Variants in ANO3 observed in about 807,000 individuals in gnomAD.
ANO3 encodes anoctamin-3.
Under a neutral mutation model 144.8 loss-of-function variants are expected in ANO3, and 99 were observed. The ratio of observed to expected loss-of-function variants is 0.68; its 90% CI spans 0.58 to 0.81. The LOEUF (loss-of-function observed/expected upper bound fraction) is 0.81. Ranked by LOEUF, ANO3 falls within the 30% of genes least tolerant of loss-of-function variation. The pLI is 0.00. For synonymous variants in ANO3, 414 were observed against 392.6 expected (o/e 1.05, Z -0.64); for missense variants, 905 against 1,202.2 (o/e 0.75, Z 3.66).
chr11:26,628,963 A>G (rs903687525), intron 18 of ANO3, among the ~76,000 whole-genome samples: 7 of 152,104 alleles, frequency 4.6e-5, no homozygotes, highest in African/African-American at 1.7e-4. Flanking sequence ...ACAAGCCCCT[A>G]TACACAAGTG....
intron 1 of ANO3, among the ~76,000 whole-genome samples, chr11:26,290,724 G>A (rs1853937176): frequency 6.6e-6 from 1 of 152,200 alleles, no homozygotes. Context: ...GCTGTTTTGA[G>A]TGAGTTTCTT....
At chr11:26,634,596 A>G (rs1852890772) in intron 19 of ANO3, among the ~76,000 whole-genome samples, 1 of 152,192 alleles carries the variant, frequency 6.6e-6, no homozygotes, top group African/African-American at 2.4e-5. Flanking sequence ...TTCCACCTTT[A>G]GTGCAAAATA....
intron 4 of ANO3, among the ~76,000 whole-genome samples, chr11:26,486,833 T>C (rs1860470692): frequency 6.6e-6 from 1 of 152,218 alleles, no homozygotes; most frequent in Non-Finnish European, 1.5e-5. Context: ...CTTCATTTGA[T>C]AGGGTCCTAA....
In ANO3 at chr11:26,642,020, T is replaced by C. The variant is rs762247159; in HGVS notation, c.2266T>C (p.Leu756=). 1 of 1,612,496 alleles carries C rather than the reference T, an allele frequency of 6.2e-7. No homozygotes were observed. Among genetic ancestry groups the C allele is most frequent in the Non-Finnish European group, 8.5e-7 (1 of 1,179,448 alleles). ...CCTTCATGGACTGATGGATGAGTAC[T>C]TAGAAATGGGTAAGGAAAAAAAATC... ...MNLHGLMDEY[L]EMVLQFGFTT... The change falls in exon 22 of 27, where the codon TTA becomes CTA. Residue 756 remains leucine (L), a synonymous_variant. Coordinates refer to ENST00000256737, the MANE Select transcript of ANO3 (RefSeq NM_031418.4).
chr11:26,453,554 A>G (rs1233712777), intron 3 of ANO3, among the ~76,000 whole-genome samples: 1 of 152,146 alleles, frequency 6.6e-6, no homozygotes, highest in Non-Finnish European at 1.5e-5. Context: ...TATGCACCCA[A>G]TACAGGAGCA....
intron 14 of ANO3, among the ~76,000 whole-genome samples, chr11:26,573,963 C>G (rs1850922012): frequency 6.6e-6 from 1 of 152,174 alleles, no homozygotes; most frequent in African/African-American, 2.4e-5. Flanking sequence ...GCCAAACAAA[C>G]AAGTTTCACT....
chr11:26,525,340 A>C (rs1436332465), intron 6 of ANO3, among the ~76,000 whole-genome samples: 1 of 152,056 alleles, frequency 6.6e-6, no homozygotes, highest in Non-Finnish European at 1.5e-5. Flanking sequence ...ATTAGTATAA[A>C]TTGAGTGGCA....
intron 1 of ANO3, among the ~76,000 whole-genome samples, chr11:26,384,164 T>G (rs1856662449): frequency 6.6e-6 from 1 of 152,108 alleles, no homozygotes; most frequent in South Asian, 2.1e-4. Flanking sequence ...CCTCCCAAAG[T>G]GCTGGGATTA....
intron 3 of ANO3, among the ~76,000 whole-genome samples, chr11:26,461,533 T>C (rs1286713463): frequency 6.6e-6 from 1 of 152,102 alleles, no homozygotes; most frequent in African/African-American, 2.4e-5. Flanking sequence ...AAATTGCATT[T>C]CTTCTCTTAC....
intron 1 of ANO3, among the ~76,000 whole-genome samples, chr11:26,222,121 G>A (rs998149091): frequency 1.3e-5 from 2 of 152,162 alleles, no homozygotes; most frequent in Admixed American, 6.5e-5. Context: ...TTATGAGCCT[G>A]TAAAATCAAA....
chr11:26,287,486 G>A (rs191699688), intron 1 of ANO3: 6 of 152,292 alleles, frequency 3.9e-5, no homozygotes, highest in East Asian at 1.9e-4. Context: ...CAGTCATTAA[G>A]CAATAGAAAC....
intron 17 of ANO3, among the ~76,000 whole-genome samples, chr11:26,611,374 C>T (rs1290103742): frequency 4.0e-5 from 6 of 151,890 alleles, no homozygotes; most frequent in African/African-American, 7.3e-5. Flanking sequence ...TTGAATTATT[C>T]GTTATTTAGA....
intron 1 of ANO3, among the ~76,000 whole-genome samples, chr11:26,333,220 T>G (rs1375214041): frequency 1.3e-5 from 2 of 152,054 alleles, no homozygotes; most frequent in Non-Finnish European, 2.9e-5. Flanking sequence ...AATATTCTCA[T>G]CCCCACCCTC....
intron 14 of ANO3, chr11:26,565,281 G>C: frequency 6.3e-7 from 1 of 1,597,250 alleles, no homozygotes; most frequent in East Asian, 2.3e-5. Context: ...ATCACTGTTT[G>C]TGGTAAGCCA....
intron 12 of ANO3, among the ~76,000 whole-genome samples, chr11:26,547,809 A>G (rs1849826771): frequency 6.6e-6 from 1 of 152,002 alleles, no homozygotes; most frequent in Non-Finnish European, 1.5e-5. Flanking sequence ...AGTATATACC[A>G]TATAATTCAA....
Position 26,561,144 on chromosome 11 carries a change from G to C in ANO3, c.1447+1365G>C, listed in dbSNP as rs752162468. On this transcript the variant is annotated intron_variant, in intron 14 of 26. Coordinates refer to ENST00000256737, the MANE Select transcript of ANO3 (RefSeq NM_031418.4). Reference sequence around the variant, plus strand: ...ATTTTCTTCACTTTCTGGCATGGCTGAATCATTCAAAGTTGGATTGTAGTA... The same window carrying C: ...ATTTTCTTCACTTTCTGGCATGGCTCAATCATTCAAAGTTGGATTGTAGTA... 9 of 1,612,728 alleles carry C rather than the reference G, an allele frequency of 5.6e-6. No homozygotes were observed. The East Asian group carries it at 1.8e-4, about 32-fold the overall frequency.
At chr11:26,374,656 C>A (rs1856356194) in intron 1 of ANO3, among the ~76,000 whole-genome samples, 1 of 152,208 alleles carries the variant, frequency 6.6e-6, no homozygotes, top group African/African-American at 2.4e-5. Context: ...GCAGCTATCT[C>A]CAGCCTTGTT....
intron 1 of ANO3, among the ~76,000 whole-genome samples, chr11:26,221,396 T>C (rs905868729): frequency 1.3e-5 from 2 of 152,140 alleles, no homozygotes; most frequent in East Asian, 1.9e-4. Context: ...CAGAATGAGA[T>C]CCAGGGTTAT....
At chr11:26,565,584 G>A in intron 14 of ANO3, 1 of 1,613,344 alleles carries the variant, frequency 6.2e-7, no homozygotes, top group Non-Finnish European at 8.5e-7. Context: ...ATGCTCTGCT[G>A]ATGAGTTACT....
Sources: allele counts gnomAD v4.1 joint callset (sites outside exome capture counted in the v4.1 genomes callset), GRCh38; gene constraint gnomAD v4.1.1; transcripts MANE v1.5; gene names NCBI Gene and HGNC (gene_info 2026-07-23, HGNC 2026-07-21).